ARHGAP31: variants seen among roughly 807,000 people sequenced by gnomAD.
ARHGAP31 encodes the protein Rho GTPase activating protein 31.
Under a neutral mutation model 113.9 loss-of-function variants are expected in ARHGAP31, and 34 were observed. The observed-to-expected ratio is 0.30, with a 90% CI of 0.23 to 0.40. The LOEUF is 0.40. Ranked by LOEUF, ARHGAP31 falls within the 10% of genes least tolerant of loss-of-function variation. The pLI is 1.00. For missense variants in ARHGAP31, 1,548 were observed against 1,767.1 expected, an observed-to-expected ratio of 0.88 and a Z score of 2.22; for synonymous variants, 650 against 684.8, an observed-to-expected ratio of 0.95 and a Z score of 0.79.
At position 119,294,776 on chromosome 3, in the gene ARHGAP31, T is replaced by C. The variant is rs1362960669; in HGVS notation, c.-129T>C. 1.1e-6 allele frequency: 1 copy of C among 879,210 alleles called. No homozygotes were observed. Among genetic ancestry groups the C allele is most frequent in the African/African-American group, 1.7e-5 (1 of 60,554 alleles). 54.5% of individuals were successfully genotyped at this position (879,210 alleles called of 1,614,324 possible). ...CATGCGCAGGGCCCCCAGCCCAAGT[T>C]CTTCCATCTTCCGATGCGGCCCCCC... On this transcript the variant is annotated 5_prime_UTR_variant, in exon 1 of 12. Coordinates refer to ENST00000264245, the MANE Select transcript of ARHGAP31 (RefSeq NM_020754.4).
At position 119,415,776 on chromosome 3, in the gene ARHGAP31, T is replaced by C. The variant is rs768567811; in HGVS notation, c.3847T>C (p.Cys1283Arg). 1.2e-5 allele frequency: 20 copies of C among 1,614,226 alleles called. No individual in the cohort carries two copies. Among genetic ancestry groups the C allele is most frequent in the Admixed American group, 6.7e-5 (4 of 60,024 alleles). Reference protein sequence around the residue: ...SPVDATAPCMCEGPTLSPEPG... With the variant: ...SPVDATAPCMREGPTLSPEPG... Reference sequence around the variant, plus strand: ...AGTGGATGCCACTGCACCCTGCATGTGCGAGGGACCTACCCTTTCTCCAGA... The same window carrying C: ...AGTGGATGCCACTGCACCCTGCATGCGCGAGGGACCTACCCTTTCTCCAGA... The change falls in exon 12 of 12, where the codon TGC (cysteine) becomes CGC (arginine). Residue 1283 changes from cysteine (C) to arginine (R), a missense_variant. Physicochemically the swap from Cys to Arg is radical, Grantham distance 180. Transcript: ENST00000264245.
At chr3:119,303,786 T>TTTGTTG (rs556192445) in intron 1 of ARHGAP31, among the ~76,000 whole-genome samples, 3 of 151,070 alleles carry the variant, frequency 2.0e-5, no homozygotes, top group East Asian at 1.9e-4. Flanking sequence ...TTTCATGTTT[T>TTTGTTG]TTGTTGTTGT....
chr3:119,312,017 A>G (rs1043223315), intron 1 of ARHGAP31, among the ~76,000 whole-genome samples: 5 of 152,272 alleles, frequency 3.3e-5, no homozygotes, highest in East Asian at 1.9e-4. Context: ...GACAGTATCT[A>G]TCTGCCTGAA....
At chr3:119,337,353 C>G (rs78045014) in intron 1 of ARHGAP31, among the ~76,000 whole-genome samples, 1 of 152,044 alleles carries the variant, frequency 6.6e-6, no homozygotes, top group African/African-American at 2.4e-5. Flanking sequence ...TCTTTCCTCC[C>G]GGTGGCTTCA....
intron 10 of ARHGAP31, among the ~76,000 whole-genome samples, chr3:119,406,040 T>G (rs1312889647): frequency 6.6e-6 from 1 of 152,180 alleles, no homozygotes; most frequent in Non-Finnish European, 1.5e-5. Context: ...ATGGATTCAA[T>G]TGGAATCACT....
intron 1 of ARHGAP31, among the ~76,000 whole-genome samples, chr3:119,331,069 C>T (rs2079887576): frequency 6.6e-6 from 1 of 152,118 alleles, no homozygotes; most frequent in South Asian, 2.1e-4. Context: ...ATTAAAATGT[C>T]ATTGGGTGCT....
chr3:119,333,762 C>T (rs77797672), intron 1 of ARHGAP31, among the ~76,000 whole-genome samples: 2,220 of 152,248 alleles, frequency 0.015, 45 homozygotes, highest in East Asian at 0.052. Flanking sequence ...CCGTTTTATT[C>T]CTTTCTTTTC....
rs574986435 is a variant in ARHGAP31, at chr3:119,370,338, A to C, written c.348+1822A>C. On this transcript the variant is annotated intron_variant, in intron 3 of 11. Coordinates refer to ENST00000264245, the MANE Select transcript of ARHGAP31 (RefSeq NM_020754.4). Reference sequence around the variant, plus strand: ...AGGAACCATTGATCTGTCTCCTTAAAGACCAAAGACAACTACAGTTAACAT... The same window carrying C: ...AGGAACCATTGATCTGTCTCCTTAACGACCAAAGACAACTACAGTTAACAT... Among the ~76,000 whole-genome samples, 6 of 152,370 alleles carry C rather than the reference A, an allele frequency of 3.9e-5. No individual in the cohort carries two copies. The South Asian group carries it at 1.2e-3, about 32-fold the overall frequency.
At chr3:119,391,589 A>ACCCCCCCCCCCCCCCCCCCCCCCAC (rs368549202) in intron 7 of ARHGAP31, among the ~76,000 whole-genome samples, 1 of 103,756 alleles carries the variant, frequency 9.6e-6, no homozygotes, top group Non-Finnish European at 2.0e-5. Flanking sequence ...CTGGGTCTCT[A>ACCCCCCCCCCCCCCCCCCCCCCCAC]CCCCCCCCTC....
chr3:119,368,491 C>T lies in ARHGAP31; in HGVS notation c.323C>T (p.Thr108Ile). 6.2e-7 allele frequency: 1 copy of T among 1,614,168 alleles called. No homozygotes were observed. The highest frequency in any genetic ancestry group is 8.5e-7 in the Non-Finnish European group (1 of 1,180,026). Residue 108 changes from threonine (T) to isoleucine (I), a missense_variant, in exon 3 of 12, where the codon ACT (threonine) becomes ATT (isoleucine). Physicochemically the swap from Thr to Ile is moderately conservative, Grantham distance 89 (BLOSUM62 -1). Coordinates refer to ENST00000264245, the MANE Select transcript of ARHGAP31 (RefSeq NM_020754.4). The stretch of plus-strand genomic sequence containing the variant: ...AGGGAGCTGCCCAACCCCCTCCTGA[C>T]TTATGAGCTCTATGAGAAATTCACG... ...YFRELPNPLL[T>I]YELYEKFTEA...
chr3:119,373,403 T>A (rs2080319727), intron 3 of ARHGAP31, among the ~76,000 whole-genome samples: 1 of 151,972 alleles, frequency 6.6e-6, no homozygotes, highest in Admixed American at 6.5e-5. Flanking sequence ...AATGTTATCA[T>A]TTCACACTGG....
intron 1 of ARHGAP31, among the ~76,000 whole-genome samples, chr3:119,354,630 G>A (rs941609292): frequency 2.6e-5 from 4 of 150,984 alleles, no homozygotes; most frequent in Non-Finnish European, 5.9e-5. Context: ...TCCTGCCTCA[G>A]CCTCCCGAGT....
chr3:119,357,676 T>G (rs1382192319), intron 1 of ARHGAP31, among the ~76,000 whole-genome samples: 1 of 152,202 alleles, frequency 6.6e-6, no homozygotes, highest in African/African-American at 2.4e-5. Flanking sequence ...GTATAAACAC[T>G]TCTCACTCTT....
chr3:119,360,464 T>A (rs930464372), intron 1 of ARHGAP31, among the ~76,000 whole-genome samples: 3 of 152,224 alleles, frequency 2.0e-5, no homozygotes, highest in African/African-American at 2.4e-5. Flanking sequence ...CTTCTTTCAA[T>A]CTCTGTCTCC....
intron 1 of ARHGAP31, among the ~76,000 whole-genome samples, chr3:119,343,227 A>T (rs971013485): frequency 6.6e-6 from 1 of 152,216 alleles, no homozygotes; most frequent in African/African-American, 2.4e-5. Context: ...CTCTGAAAAA[A>T]GAGCAGTATA....
intron 1 of ARHGAP31, among the ~76,000 whole-genome samples, chr3:119,364,247 G>T (rs1469810954): frequency 7.6e-6 from 1 of 132,114 alleles, no homozygotes; most frequent in African/African-American, 2.7e-5. Flanking sequence ...GGAGGTGGGG[G>T]GGCCGTTCTT....
intron 1 of ARHGAP31, among the ~76,000 whole-genome samples, chr3:119,355,313 AAAAC>A (rs2080145497): frequency 2.0e-5 from 3 of 152,208 alleles, no homozygotes; most frequent in Non-Finnish European, 4.4e-5. Flanking sequence ...AGAATGCTAT[AAAAC>A]AAACAAACAA....
At chr3:119,345,925 T>A (rs1026689732) in intron 1 of ARHGAP31, among the ~76,000 whole-genome samples, 4 of 152,220 alleles carry the variant, frequency 2.6e-5, no homozygotes, top group Non-Finnish European at 5.9e-5. Context: ...TGAACTCTTT[T>A]ACATGGACAC....
At chr3:119,369,677 G>T (rs2080280965) in intron 3 of ARHGAP31, among the ~76,000 whole-genome samples, 1 of 152,174 alleles carries the variant, frequency 6.6e-6, no homozygotes, top group South Asian at 2.1e-4. Context: ...ATACTCAAAT[G>T]CTAATTGAAG....
Sources: allele counts gnomAD v4.1 joint callset (sites outside exome capture counted in the v4.1 genomes callset), GRCh38; gene constraint gnomAD v4.1.1; transcripts MANE v1.5; gene names NCBI Gene and HGNC (gene_info 2026-07-23, HGNC 2026-07-21).